The following PARL variants were observed in gnomAD, a reference collection of about 807,000 sequenced individuals.
The protein encoded by PARL is presenilin associated rhomboid like, also known as presenilin-associated rhomboid-like protein, mitochondrial.
In PARL, 44 loss-of-function variants were observed where a neutral mutation model predicts 51.6. The ratio of observed to expected loss-of-function variants is 0.85; its 90% CI spans 0.67 to 1.10. The LOEUF (loss-of-function observed/expected upper bound fraction) is 1.10, where lower values mean the gene tolerates loss of function less well. Among genes scored for constraint, PARL ranks in the 50% least tolerant of loss-of-function variants. The pLI is 0.00. For missense variants in PARL, 441 were observed against 469.5 expected, an observed-to-expected ratio of 0.94 and a Z score of 0.56; for synonymous variants, 172 against 164.0, an observed-to-expected ratio of 1.05 and a Z score of -0.37.
At chr3:183,865,133 T>C (rs1016020802) in intron 3 of PARL, among the ~76,000 whole-genome samples, 18 of 151,870 alleles carry the variant, frequency 1.2e-4, no homozygotes, top group Non-Finnish European at 2.4e-4. Flanking sequence ...AAAGTGAGAC[T>C]CCTGTCTCCA....
chr3:183,828,016 C>T (rs1301740747), downstream of PARL, among the ~76,000 whole-genome samples: 2 of 152,190 alleles, frequency 1.3e-5, no homozygotes, highest in African/African-American at 4.8e-5. Flanking sequence ...AGGCAGTGAT[C>T]GCGGGTCCCC....
intron 1 of PARL, among the ~76,000 whole-genome samples, chr3:183,882,141 T>C (rs1734502280): frequency 1.4e-5 from 2 of 146,220 alleles, no homozygotes; most frequent in South Asian, 4.3e-4. Flanking sequence ...GAGGCGGAAG[T>C]TGCAGTGAGC....
chr3:183,846,586 G>A lies in PARL; in HGVS notation c.512-2260C>T, dbSNP rs111726026. On this transcript the variant is annotated intron_variant, in intron 4 of 9. Coordinates refer to ENST00000317096, the MANE Select transcript of PARL (RefSeq NM_018622.7). ...TGCTAAGTTTTCAATCCAAACGCAAGAAGCTTTTCTGATAAATAATGAGTA... is the reference window on the plus strand; with the variant it reads ...TGCTAAGTTTTCAATCCAAACGCAAAAAGCTTTTCTGATAAATAATGAGTA... 39 of 985,186 alleles carry A rather than the reference G, an allele frequency of 4.0e-5. No individual in the cohort carries two copies. The African/African-American group carries it at 4.9e-4, about 12-fold the overall frequency. 61.0% of individuals were successfully genotyped at this position (985,186 alleles called of 1,614,324 possible).
intron 1 of PARL, among the ~76,000 whole-genome samples, chr3:183,882,222 A>AAATATATAT (rs1401913573): frequency 2.2e-5 from 1 of 46,112 alleles, no homozygotes; most frequent in East Asian, 1.3e-3. Flanking sequence ...AAAAAAAAAA[A>AAATATATAT]ATATATATAT....
chr3:183,837,974 T>C, intron 7 of PARL, among the ~76,000 whole-genome samples: 1 of 151,744 alleles, frequency 6.6e-6, no homozygotes, highest in Middle Eastern at 3.4e-3. Flanking sequence ...TTATCCAGGA[T>C]AGTACCAATA....
At chr3:183,834,806 C>T (rs776982043) in intron 7 of PARL, among the ~76,000 whole-genome samples, 69 of 147,908 alleles carry the variant, frequency 4.7e-4, no homozygotes, top group Admixed American at 1.5e-3. Context: ...TTTTGGAGGC[C>T]GAGGCAGGTG....
chr3:183,842,237 C>T, intron 6 of PARL, 61 bp downstream of exon 6: 7 of 1,477,034 alleles, frequency 4.7e-6, no homozygotes, highest in East Asian at 2.3e-5. Context: ...TCCCTTTGTC[C>T]GTTCTGCAGA....
intron 4 of PARL, among the ~76,000 whole-genome samples, chr3:183,847,952 G>A (rs62285798): frequency 0.018 from 2,747 of 152,226 alleles, 31 homozygotes; most frequent in Middle Eastern, 0.044. Flanking sequence ...TTCCTGACTC[G>A]GTAACTCTTG....
chr3:183,882,981 ACC>A (rs1734740228), intron 1 of PARL, among the ~76,000 whole-genome samples: 1 of 152,230 alleles, frequency 6.6e-6, no homozygotes, highest in East Asian at 1.9e-4. Context: ...AGAACTTATT[ACC>A]AGAGGCAAAT....
intron 7 of PARL, among the ~76,000 whole-genome samples, chr3:183,838,291 T>C (rs762448295): frequency 5.9e-5 from 9 of 152,170 alleles, no homozygotes; most frequent in Non-Finnish European, 1.3e-4. Context: ...GCTCCCAAAG[T>C]GTTGGGCCTA....
intron 5 of PARL, among the ~76,000 whole-genome samples, chr3:183,843,516 AAAAAT>A (rs890464102): frequency 1.3e-5 from 2 of 152,100 alleles, no homozygotes; most frequent in African/African-American, 4.8e-5. Flanking sequence ...CCCTGTCTCA[AAAAAT>A]AAAATAAAAT....
chr3:183,838,048 G>A (rs114861082), intron 7 of PARL, among the ~76,000 whole-genome samples: 42 of 150,866 alleles, frequency 2.8e-4, no homozygotes, highest in African/African-American at 1.0e-3. Flanking sequence ...TTGAGATGGG[G>A]TCTCGCTATG....
intron 4 of PARL, 186 bp from the exon 5 acceptor site, chr3:183,844,512 G>C (rs1299220056): frequency 5.5e-6 from 3 of 545,244 alleles, no homozygotes; most frequent in Non-Finnish European, 9.9e-6. Flanking sequence ...GCCTAGGGTT[G>C]GTAAAGTCAC....
chr3:183,869,348 T>C (rs1732898457), intron 1 of PARL, among the ~76,000 whole-genome samples: 1 of 151,998 alleles, frequency 6.6e-6, no homozygotes, highest in Non-Finnish European at 1.5e-5. Context: ...GCTGGGATTA[T>C]AGGCACCCAC....
At chr3:183,854,199 G>A (rs1457863899) in intron 4 of PARL, among the ~76,000 whole-genome samples, 4 of 152,104 alleles carry the variant, frequency 2.6e-5, no homozygotes, top group African/African-American at 9.7e-5. Flanking sequence ...CTGAGATCAC[G>A]CCACTGCACT....
At chr3:183,871,931 G>A (rs563731266) in intron 1 of PARL, among the ~76,000 whole-genome samples, 1 of 151,842 alleles carries the variant, frequency 6.6e-6, no homozygotes, top group African/African-American at 2.4e-5. Flanking sequence ...TATCTTAATA[G>A]GCATTTTGGA....
chr3:183,834,630 A>G lies in PARL; in HGVS notation c.829-805T>C, dbSNP rs368419741. ...GGAAGCTTTTGGGATGAATATGTCC[A>G]TGATCTTGAGTGTGGTGATGGTTTC... On this transcript the variant is annotated intron_variant, in intron 7 of 9. Transcript: ENST00000317096. Among the ~76,000 whole-genome samples, 25 of 152,288 alleles carry G rather than the reference A, an allele frequency of 1.6e-4. 1 individual carries two copies. Among genetic ancestry groups the G allele is most frequent in the Admixed American group, 5.9e-4 (9 of 15,294 alleles).
chr3:183,881,900 TCTTA>T (rs926150221), intron 1 of PARL, among the ~76,000 whole-genome samples: 2 of 152,010 alleles, frequency 1.3e-5, no homozygotes, highest in Non-Finnish European at 2.9e-5. Context: ...ATGTCAAGTA[TCTTA>T]CTTAAAGATA....
intron 4 of PARL, chr3:183,846,594 T>C: frequency 3.0e-6 from 3 of 985,340 alleles, no homozygotes; most frequent in Non-Finnish European, 3.6e-6. Flanking sequence ...AAGAAGCTTT[T>C]CTGATAAATA....
Sources: gnomAD v4.1 joint callset for allele counts (sites outside exome capture counted in the v4.1 genomes callset) on GRCh38, gnomAD v4.1.1 for gene constraint, MANE v1.5 for transcripts, NCBI Gene and HGNC (gene_info 2026-07-23, HGNC 2026-07-21) for gene names.